Variants in ATP9B observed in about 807,000 individuals in gnomAD.
ATP9B encodes ATPase phospholipid transporting 9B.
A neutral mutation model predicts 146.1 loss-of-function variants in ATP9B; 110 were observed. That is an observed-to-expected ratio of 0.75 (90% confidence interval 0.65 to 0.88). The LOEUF (loss-of-function observed/expected upper bound fraction) is 0.88. ATP9B is among the 40% of genes least tolerant of loss of function. ATP9B has a pLI of 0.00. For synonymous variants in ATP9B, 604 were observed against 569.7 expected (o/e 1.06, Z -0.86); for missense variants, 1,499 against 1,496.4 (o/e 1.00, Z -0.03).
chr18:79,337,853 G>A (rs985714862), intron 19 of ATP9B, among the ~76,000 whole-genome samples: 7 of 152,206 alleles, frequency 4.6e-5, no homozygotes, highest in East Asian at 1.9e-4. Context: ...TGGGTTGGCC[G>A]GCACTCGTGC....
At chr18:79,355,453 C>T (rs1197387540) in intron 25 of ATP9B, among the ~76,000 whole-genome samples, 1 of 151,658 alleles carries the variant, frequency 6.6e-6, no homozygotes, top group Non-Finnish European at 1.5e-5. Context: ...AGAAATAACC[C>T]AGACAAAAAA....
At chr18:79,168,918 A>G (rs1379641789) in intron 7 of ATP9B, among the ~76,000 whole-genome samples, 2 of 151,798 alleles carry the variant, frequency 1.3e-5, no homozygotes, top group Non-Finnish European at 2.9e-5. Context: ...TTGCCACATT[A>G]TCCCTGTCCT....
chr18:79,228,041 A>G (rs1406338270), intron 11 of ATP9B, among the ~76,000 whole-genome samples: 1 of 152,268 alleles, frequency 6.6e-6, no homozygotes, highest in East Asian at 1.9e-4. Flanking sequence ...ATAAATGCTG[A>G]TTAACTGAAC....
chr18:79,266,907 T>G (rs2096209209), intron 12 of ATP9B, among the ~76,000 whole-genome samples: 1 of 152,110 alleles, frequency 6.6e-6, no homozygotes, highest in Non-Finnish European at 1.5e-5. Context: ...ACATGTAATT[T>G]TTAATTTTCA....
At chr18:79,083,049 TTTATC>T (rs1173389280) in intron 1 of ATP9B, among the ~76,000 whole-genome samples, 4 of 152,120 alleles carry the variant, frequency 2.6e-5, no homozygotes, top group Non-Finnish European at 5.9e-5. Flanking sequence ...AGATGGGAGT[TTTATC>T]TATAAGCCCC....
intron 13 of ATP9B, among the ~76,000 whole-genome samples, chr18:79,284,816 C>T (rs113119040): frequency 0.018 from 2,688 of 148,878 alleles, 36 homozygotes; most frequent in Middle Eastern, 0.034. Context: ...TTCCCCTTCC[C>T]GTGTCCGTGT....
intron 1 of ATP9B, among the ~76,000 whole-genome samples, chr18:79,071,049 C>CTTTTTTTTTTTTTTTTTTTTT (rs746689031): frequency 8.9e-6 from 1 of 112,396 alleles, no homozygotes; most frequent in Non-Finnish European, 1.8e-5. Flanking sequence ...ATTCCTGTTT[C>CTTTTTTTTTTTTTTTTTTTTT]TTTTTTTTTT....
intron 12 of ATP9B, among the ~76,000 whole-genome samples, chr18:79,265,605 C>G (rs2096195005): frequency 6.6e-6 from 1 of 151,858 alleles, no homozygotes; most frequent in African/African-American, 2.4e-5. Context: ...TTTGTCAGAT[C>G]TGTAGTTTGC....
intron 19 of ATP9B, among the ~76,000 whole-genome samples, chr18:79,337,992 G>A (rs1208477762): frequency 6.6e-6 from 1 of 152,138 alleles, no homozygotes; most frequent in East Asian, 1.9e-4. Context: ...CCATTGTGAC[G>A]GCACGTGTTC....
intron 2 of ATP9B, among the ~76,000 whole-genome samples, chr18:79,106,559 A>G (rs1207911740): frequency 6.6e-6 from 1 of 152,168 alleles, no homozygotes; most frequent in Non-Finnish European, 1.5e-5. Context: ...GAGTGTATTC[A>G]TTCAGTTTTG....
At chr18:79,090,386 A>G (rs2074221137) in intron 1 of ATP9B, among the ~76,000 whole-genome samples, 1 of 152,174 alleles carries the variant, frequency 6.6e-6, no homozygotes. Context: ...TTACATTCCC[A>G]CCAACAGTGT....
At chr18:79,131,282 A>T (rs2094373943) in intron 5 of ATP9B, among the ~76,000 whole-genome samples, 1 of 152,252 alleles carries the variant, frequency 6.6e-6, no homozygotes, top group South Asian at 2.1e-4. Context: ...TCTGATAAGG[A>T]TCCAGTATCC....
Position 79,155,394 on chromosome 18 carries a change from A to T in ATP9B, c.778+839A>T, listed in dbSNP as rs181130735. On this transcript the variant is annotated intron_variant, in intron 7 of 29. Transcript: ENST00000426216. ...TAGAAGCCTAGTGTCGCCAAATAGAAAATCTGTTGGAAATTGGGAAACCTG... is the reference window on the plus strand; with the variant it reads ...TAGAAGCCTAGTGTCGCCAAATAGATAATCTGTTGGAAATTGGGAAACCTG... 3.2e-3 allele frequency among the ~76,000 whole-genome samples: 490 copies of T among 152,316 alleles called. 5 individuals carry two copies. Among genetic ancestry groups the T allele is most frequent in the African/African-American group, 0.011 (448 of 41,566 alleles).
intron 13 of ATP9B, among the ~76,000 whole-genome samples, chr18:79,293,995 A>G (rs753997591): frequency 3.9e-5 from 6 of 152,140 alleles, no homozygotes; most frequent in Non-Finnish European, 7.3e-5. Context: ...AGCAGCAGTA[A>G]GAAGCAAAGT....
At chr18:79,135,160 G>A (rs1300257833) in intron 5 of ATP9B, among the ~76,000 whole-genome samples, 6 of 152,198 alleles carry the variant, frequency 3.9e-5, no homozygotes, top group Non-Finnish European at 7.3e-5. Flanking sequence ...CACTGAACCT[G>A]TGCCTCTCAG....
At chr18:79,306,923 C>G in intron 14 of ATP9B, 63 bp from the exon 15 acceptor site, 1 of 1,552,952 alleles carries the variant, frequency 6.4e-7, no homozygotes, top group South Asian at 1.2e-5. Context: ...GTTAATAATT[C>G]CATGTTAACT....
At chr18:79,257,452 C>G (rs571376476) in intron 12 of ATP9B, among the ~76,000 whole-genome samples, 5 of 152,306 alleles carry the variant, frequency 3.3e-5, no homozygotes, top group Admixed American at 3.3e-4. Flanking sequence ...TAGGCATAAG[C>G]ATTTAAACGA....
At chr18:79,143,650 T>G (rs1239093291) in intron 5 of ATP9B, 152 bp from the exon 6 acceptor site, 3 of 439,938 alleles carry the variant, frequency 6.8e-6, no homozygotes, top group Middle Eastern at 6.1e-4. Context: ...GAGAAGTTAA[T>G]TATTAGTGAC....
At chr18:79,348,243 A>AT in intron 25 of ATP9B, 47 bp downstream of exon 25, 1 of 757,532 alleles carries the variant, frequency 1.3e-6, no homozygotes, top group South Asian at 1.6e-5. Flanking sequence ...GAGGACTTCT[A>AT]TTTTGAAAAA....
Sources: allele counts gnomAD v4.1 joint callset (sites outside exome capture counted in the v4.1 genomes callset), GRCh38; gene constraint gnomAD v4.1.1; transcripts MANE v1.5; gene names NCBI Gene and HGNC (gene_info 2026-07-23, HGNC 2026-07-21).